The following CSNK1A1 variants were observed in gnomAD, a reference collection of about 807,000 sequenced individuals.
CSNK1A1 encodes the protein casein kinase 1 alpha 1.
A neutral mutation model predicts 46.1 loss-of-function variants in CSNK1A1; 7 were observed. The ratio of observed to expected loss-of-function variants is 0.15; its 90% CI spans 0.09 to 0.29. CSNK1A1 has a LOEUF of 0.29. Ranked by LOEUF, CSNK1A1 falls within the 10% of genes least tolerant of loss-of-function variation. The pLI is 1.00. For synonymous variants in CSNK1A1, 137 were observed against 141.5 expected, an observed-to-expected ratio of 0.97 and a Z score of 0.23; for missense variants, 96 against 417.1, an observed-to-expected ratio of 0.23 and a Z score of 6.71.
chr5:149,530,124 T>C (rs1761846729), intron 2 of CSNK1A1, among the ~76,000 whole-genome samples: 1 of 152,074 alleles, frequency 6.6e-6, no homozygotes, highest in Non-Finnish European at 1.5e-5. Context: ...GATCTTCCCC[T>C]TCAGACTATT....
chr5:149,518,805 G>A (rs968128534), intron 4 of CSNK1A1, among the ~76,000 whole-genome samples: 4 of 151,860 alleles, frequency 2.6e-5, no homozygotes, highest in Non-Finnish European at 5.9e-5. Context: ...TTGTGGGGGA[G>A]GGGGGGAAGG....
chr5:149,528,831 C>G (rs954070291), intron 2 of CSNK1A1, among the ~76,000 whole-genome samples: 2 of 152,150 alleles, frequency 1.3e-5, no homozygotes, highest in Non-Finnish European at 2.9e-5. Flanking sequence ...ATTTGAATAG[C>G]CTTTTCACAG....
At chr5:149,501,874 T>C (rs1294003626) in intron 9 of CSNK1A1, 4 of 972,004 alleles carry the variant, frequency 4.1e-6, no homozygotes, top group Admixed American at 6.2e-5. Flanking sequence ...GTGAAATAAA[T>C]TTCGAAGTGT....
chr5:149,534,350 C>T (rs917793170), intron 2 of CSNK1A1, among the ~76,000 whole-genome samples: 20 of 151,726 alleles, frequency 1.3e-4, no homozygotes, highest in African/African-American at 3.6e-4. Context: ...GGCGTGGTGG[C>T]GCACGCCTGT....
chr5:149,526,437 G>T (rs1214240596), intron 2 of CSNK1A1, among the ~76,000 whole-genome samples: 1 of 152,138 alleles, frequency 6.6e-6, no homozygotes, highest in Non-Finnish European at 1.5e-5. Flanking sequence ...AAAGCACTGG[G>T]ATTACAAGTT....
In CSNK1A1 at chr5:149,550,255, T is replaced by A; in HGVS notation, c.124-74A>T. ...TGTCACTTAGGAAAGGAGGGAGACA[T>A]TAGCAAAACTCCAAGTCGCGACTAC... On this transcript the variant is annotated intron_variant, in intron 1 of 9. Coordinates refer to ENST00000377843, the MANE Select transcript of CSNK1A1 (RefSeq NM_001892.6). The surrounding 1 kb of genome is among the most constrained non-coding windows in gnomAD (Gnocchi z 4.3). 1.9e-6 allele frequency: 3 copies of A among 1,550,290 alleles called. No homozygotes were observed. The highest frequency in any genetic ancestry group is 2.6e-6 in the Non-Finnish European group (3 of 1,148,580).
chr5:149,538,311 C>T (rs1408829993), intron 2 of CSNK1A1, among the ~76,000 whole-genome samples: 5 of 152,026 alleles, frequency 3.3e-5, no homozygotes, highest in East Asian at 1.9e-4. Flanking sequence ...CATGAGCCAC[C>T]GCGCCCGGCT....
At chr5:149,544,358 G>A (rs766227722) in intron 2 of CSNK1A1, among the ~76,000 whole-genome samples, 1 of 152,034 alleles carries the variant, frequency 6.6e-6, no homozygotes, top group South Asian at 2.1e-4. Context: ...AGAATTTTTC[G>A]GTATGTCATA....
intron 2 of CSNK1A1, among the ~76,000 whole-genome samples, chr5:149,541,466 A>G (rs1357412462): frequency 6.6e-6 from 1 of 152,060 alleles, no homozygotes; most frequent in Non-Finnish European, 1.5e-5. Context: ...CCAGTCAACC[A>G]AAATTTTAAG....
At chr5:149,527,284 C>A (rs772773457) in intron 2 of CSNK1A1, among the ~76,000 whole-genome samples, 3 of 152,060 alleles carry the variant, frequency 2.0e-5, no homozygotes, top group Non-Finnish European at 4.4e-5. Context: ...CCTGCCACCA[C>A]GCCCAGCTAA....
chr5:149,494,581 T>C lies in CSNK1A1; in HGVS notation c.*2272A>G, dbSNP rs760637899. 1.3e-5 allele frequency: 2 copies of C among 152,190 alleles called. No individual in the cohort carries two copies. Among genetic ancestry groups the C allele is most frequent in the Non-Finnish European group, 2.9e-5 (2 of 68,040 alleles). The allele number at this position is 152,190 out of a possible 1,614,324, so 9.4% of individuals were successfully genotyped here. A position where few individuals can be genotyped will look rare whatever the true frequency, so the allele number is the denominator to read the frequency against. On this transcript the variant is annotated 3_prime_UTR_variant, in exon 10 of 10. Transcript: ENST00000377843. ...TCATCATTTTAGCGGAAAAACATAA[T>C]TTAATTTTGGTGAAATGAGATTCAT...
At chr5:149,529,819 A>G in intron 2 of CSNK1A1, 1 of 444,878 alleles carries the variant, frequency 2.2e-6, no homozygotes, top group Non-Finnish European at 4.5e-6. Context: ...ATGGAAATGG[A>G]GGACCAGGGG....
In CSNK1A1 at chr5:149,493,981, G is replaced by C. The variant is rs973007624; in HGVS notation, c.*2872C>G. 1.3e-5 allele frequency: 2 copies of C among 152,122 alleles called. No homozygotes were observed. The highest frequency in any genetic ancestry group is 2.9e-5 in the Non-Finnish European group (2 of 68,026). The allele number at this position is 152,122 out of a possible 1,614,324, so 9.4% of individuals were successfully genotyped here. On this transcript the variant is annotated 3_prime_UTR_variant, in exon 10 of 10. Transcript: ENST00000377843. ...CCTGCATTAAATGCTGAATTTAACT[G>C]AGCTAAAAATGTCTAGGCCATCCCT...
intron 2 of CSNK1A1, among the ~76,000 whole-genome samples, chr5:149,544,758 T>TATATACAC (rs3073422): frequency 0.16 from 20,063 of 129,178 alleles, 2,460 homozygotes; most frequent in South Asian, 0.34. Context: ...TATATATATA[T>TATATACAC]ATATATAGTT....
chr5:149,524,700 A>G (rs1761675326), intron 3 of CSNK1A1, among the ~76,000 whole-genome samples: 5 of 152,178 alleles, frequency 3.3e-5, no homozygotes, highest in Admixed American at 6.5e-5. Flanking sequence ...ATTTTGCTTA[A>G]TTTAACCAAA....
rs1355194936 is a variant in CSNK1A1 at position 149,494,647 on chromosome 5, CTCT to C, written c.*2203_*2205del. On this transcript the variant is annotated 3_prime_UTR_variant, in exon 10 of 10. Transcript: ENST00000377843. ...GTAACAGCATTCACTGAATTTCACA[CTCT>C]TCTTTTGTGAACAGTGAAGAAAATG... is the stretch of plus-strand genomic sequence containing the variant. The C allele has an allele frequency of 1.3e-5, 2 of 152,192 alleles. No individual in the cohort carries two copies. The highest frequency in any genetic ancestry group is 2.9e-5 in the Non-Finnish European group (2 of 68,048). 9.4% of individuals were successfully genotyped at this position (152,192 alleles called of 1,614,324 possible). A position where few individuals can be genotyped will look rare whatever the true frequency, so the allele number is the denominator to read the frequency against.
chr5:149,500,940 A>C (rs1760836875), intron 9 of CSNK1A1: 5 of 982,724 alleles, frequency 5.1e-6, no homozygotes, highest in Non-Finnish European at 6.0e-6. Context: ...TAAAAAACAG[A>C]CTGAATTGTT....
At chr5:149,507,771 C>G (rs1034569564) in intron 7 of CSNK1A1, among the ~76,000 whole-genome samples, 1 of 152,144 alleles carries the variant, frequency 6.6e-6, no homozygotes, top group African/African-American at 2.4e-5. Flanking sequence ...CCATGCCCAG[C>G]CTTCAGAAGT....
chr5:149,500,997 T>C (rs952942631), intron 9 of CSNK1A1: 1 of 985,292 alleles, frequency 1.0e-6, no homozygotes, highest in Non-Finnish European at 1.2e-6. Context: ...TTTCTGACGT[T>C]CTGGAGTTTT....
Sources: gnomAD v4.1 joint callset for allele counts (sites outside exome capture counted in the v4.1 genomes callset) on GRCh38, gnomAD v4.1.1 for gene constraint, Gnocchi (gnomAD v3.1) non-coding constraint, MANE v1.5 for transcripts, NCBI Gene and HGNC (gene_info 2026-07-23, HGNC 2026-07-21) for gene names.